Variants in ASIC2 observed in about 807,000 individuals in gnomAD.
ASIC2 encodes the protein acid-sensing ion channel 2.
In ASIC2, 25 loss-of-function variants were observed where a neutral mutation model predicts 57.3. That is an observed-to-expected ratio of 0.44 (90% CI 0.32 to 0.61). ASIC2 has a LOEUF of 0.61. Among genes scored for constraint, ASIC2 ranks in the 20% least tolerant of loss-of-function variants. The probability of loss-of-function intolerance (pLI) is 0.06; values close to 1 mark genes in which losing one functional copy is unlikely to be tolerated. For missense variants in ASIC2, 641 were observed against 738.1 expected, an observed-to-expected ratio of 0.87 and a Z score of 1.52; for synonymous variants, 319 against 307.5, an observed-to-expected ratio of 1.04 and a Z score of -0.39.
chr17:33,960,415 T>C (rs1348070349), intron 1 of ASIC2, among the ~76,000 whole-genome samples: 1 of 152,236 alleles, frequency 6.6e-6, no homozygotes. Context: ...GAATCCTGAC[T>C]AATGTACATA....
intron 3 of ASIC2, among the ~76,000 whole-genome samples, chr17:33,061,365 G>A (rs2092019921): frequency 6.6e-6 from 1 of 152,118 alleles, no homozygotes; most frequent in Non-Finnish European, 1.5e-5. Flanking sequence ...AGAGTTTTTG[G>A]CATGAAGGGC....
intron 1 of ASIC2, among the ~76,000 whole-genome samples, chr17:33,472,048 T>C (rs574230156): frequency 6.6e-6 from 1 of 150,794 alleles, no homozygotes; most frequent in Admixed American, 6.6e-5. Context: ...ATACGGAGTT[T>C]TGCTCTTGTC....
At chr17:34,006,527 CAT>C (rs1247209520) in intron 1 of ASIC2, 1 of 152,202 alleles carries the variant, frequency 6.6e-6, no homozygotes, top group Admixed American at 6.5e-5. Context: ...AAATCAGACT[CAT>C]ATCACCTACT....
chr17:33,852,495 A>C (rs1913797909), intron 1 of ASIC2, among the ~76,000 whole-genome samples: 1 of 152,162 alleles, frequency 6.6e-6, no homozygotes, highest in African/African-American at 2.4e-5. Context: ...TGGATTTTAC[A>C]TGTGTAAAAG....
At chr17:33,839,760 C>G (rs1379200212) in intron 1 of ASIC2, among the ~76,000 whole-genome samples, 1 of 152,126 alleles carries the variant, frequency 6.6e-6, no homozygotes, top group African/African-American at 2.4e-5. Context: ...TTTACCATTC[C>G]TGTCATTGCT....
intron 1 of ASIC2, among the ~76,000 whole-genome samples, chr17:33,408,973 G>T (rs149714708): frequency 2.0e-5 from 3 of 152,194 alleles, no homozygotes; most frequent in Non-Finnish European, 4.4e-5. Context: ...CAGACCCTTG[G>T]GGGGCTGAGG....
intron 1 of ASIC2, among the ~76,000 whole-genome samples, chr17:34,108,727 T>C (rs1331514139): frequency 1.3e-5 from 2 of 152,262 alleles, no homozygotes; most frequent in East Asian, 3.9e-4. Context: ...AGAAGAGTGT[T>C]AAAATCAACT....
intron 1 of ASIC2, among the ~76,000 whole-genome samples, chr17:33,312,620 A>G (rs2142206727): frequency 6.6e-6 from 1 of 152,252 alleles, no homozygotes; most frequent in East Asian, 1.9e-4. Context: ...AAGTAAATAT[A>G]TCCATAAAGA....
At chr17:33,022,228 TC>T (rs901840687) in intron 6 of ASIC2, among the ~76,000 whole-genome samples, 4 of 152,154 alleles carry the variant, frequency 2.6e-5, no homozygotes, top group African/African-American at 9.7e-5. Context: ...CATCTGCCTT[TC>T]CCCCGTCTTC....
chr17:34,139,231 G>T (rs1480595553), intron 1 of ASIC2, among the ~76,000 whole-genome samples: 1 of 152,184 alleles, frequency 6.6e-6, no homozygotes, highest in African/African-American at 2.4e-5. Context: ...GAAAGATCTA[G>T]CATCTCTATT....
intron 1 of ASIC2, among the ~76,000 whole-genome samples, chr17:33,982,730 G>A (rs1905670669): frequency 6.6e-6 from 1 of 152,172 alleles, no homozygotes; most frequent in Non-Finnish European, 1.5e-5. Flanking sequence ...TGCTTTGAAA[G>A]GAGATTGTAT....
chr17:33,540,747 A>T (rs1597774940), intron 1 of ASIC2, among the ~76,000 whole-genome samples: 2 of 152,252 alleles, frequency 1.3e-5, no homozygotes, highest in East Asian at 3.9e-4. Context: ...TCCAAGTCTT[A>T]TTATTCACTG....
In ASIC2 at chr17:33,856,521, G is replaced by GGCA. The variant is rs1567736181; in HGVS notation, c.555+299456_555+299457insTGC. On this transcript the variant is annotated intron_variant, in intron 1 of 9. Transcript: ENST00000359872. Reference sequence around the variant, plus strand: ...TGTTGTCAGTAGTAGTGGTGGTGGTGGTAGTAGTAGTGGTAGTAGTGGCAG... The same window carrying GGCA: ...TGTTGTCAGTAGTAGTGGTGGTGGTGGCAGTAGTAGTAGTGGTAGTAGTGGCAG... Among the ~76,000 whole-genome samples the GGCA allele has an allele frequency of 4.8e-3, 734 of 151,410 alleles. 6 individuals carry two copies. The highest frequency in any genetic ancestry group is 8.8e-3 in the South Asian group (42 of 4,776).
chr17:33,316,852 A>G lies in ASIC2; in HGVS notation c.556-204785T>C, dbSNP rs1906677734. ...TAACATTTGGGCAAGAATAAAATCCACTTTGGAGATTTTCCAGACACACAT... is the reference window on the plus strand; with the variant it reads ...TAACATTTGGGCAAGAATAAAATCCGCTTTGGAGATTTTCCAGACACACAT... On this transcript the variant is annotated intron_variant, in intron 1 of 9. Coordinates refer to the ASIC2 transcript ENST00000359872. Among the ~76,000 whole-genome samples the G allele has an allele frequency of 2.0e-5, 3 of 152,194 alleles. No individual in the cohort carries two copies. The South Asian group carries it at 6.2e-4, about 32-fold the overall frequency.
At chr17:34,006,176 G>C (rs1333017902) in intron 1 of ASIC2, 1 of 152,264 alleles carries the variant, frequency 6.6e-6, no homozygotes, top group Non-Finnish European at 1.5e-5. Context: ...CTCCTAAGAG[G>C]CTTCTCTGAG....
intron 1 of ASIC2, among the ~76,000 whole-genome samples, chr17:33,753,219 C>T (rs184957859): frequency 2.6e-5 from 4 of 151,976 alleles, no homozygotes; most frequent in African/African-American, 7.3e-5. Context: ...AGCTACATAC[C>T]GTATGATTCC....
chr17:33,162,434 T>C (rs1270594444), intron 1 of ASIC2, among the ~76,000 whole-genome samples: 1 of 152,082 alleles, frequency 6.6e-6, no homozygotes, highest in East Asian at 1.9e-4. Context: ...CAGGGCAAAA[T>C]TCCTAAACAA....
Position 33,386,945 on chromosome 17 carries a change from T to G in ASIC2, c.556-274878A>C, listed in dbSNP as rs183594992. On this transcript the variant is annotated intron_variant, in intron 1 of 9. Transcript: ENST00000359872. ...AAGCGTTTACATAAATTCTTTGGGG[T>G]GTGTGTGTGTGTGTCTGTGTGTGTG... Among the ~76,000 whole-genome samples, 974 of 151,284 alleles carry G rather than the reference T, an allele frequency of 6.4e-3. 9 individuals are homozygous for G. The highest frequency in any genetic ancestry group is 0.024 in the Middle Eastern group (7 of 288).
intron 1 of ASIC2, among the ~76,000 whole-genome samples, chr17:33,271,040 C>T (rs1167298183): frequency 1.3e-5 from 2 of 152,108 alleles, no homozygotes; most frequent in African/African-American, 2.4e-5. Context: ...TGCTTCCAAC[C>T]TCTACACTGC....
Sources: gnomAD v4.1 joint callset for allele counts (sites outside exome capture counted in the v4.1 genomes callset) on GRCh38, gnomAD v4.1.1 for gene constraint, MANE v1.5 for transcripts, NCBI Gene and HGNC (gene_info 2026-07-23, HGNC 2026-07-21) for gene names.